Variants in ERBB4 observed in about 807,000 individuals in gnomAD.
ERBB4 encodes the protein receptor tyrosine-protein kinase erbB-4.
Under a neutral mutation model 158.0 loss-of-function variants are expected in ERBB4, and 42 were observed. The ratio of observed to expected loss-of-function variants is 0.27; its 90% CI spans 0.21 to 0.34. The LOEUF (loss-of-function observed/expected upper bound fraction) is 0.34. Ranked by LOEUF, ERBB4 falls within the 10% of genes least tolerant of loss-of-function variation. The probability of loss-of-function intolerance (pLI) is 1.00; values close to 1 mark genes in which losing one functional copy is unlikely to be tolerated. For synonymous variants in ERBB4, 583 were observed against 558.7 expected (o/e 1.04, Z -0.61); for missense variants, 1,333 against 1,624.1 (o/e 0.82, Z 3.08).
chr2:211,821,805 T>C (rs13019951), intron 3 of ERBB4, among the ~76,000 whole-genome samples: 16,782 of 151,974 alleles, frequency 0.11, 1,239 homozygotes, highest in Non-Finnish European at 0.15. Context: ...GAAATCTAAA[T>C]GCAGAAAATT....
At chr2:211,694,206 A>G (rs969994800) in intron 12 of ERBB4, among the ~76,000 whole-genome samples, 2 of 152,190 alleles carry the variant, frequency 1.3e-5, no homozygotes, top group African/African-American at 4.8e-5. Flanking sequence ...TACAACTCAC[A>G]ACACTGTCTA....
At chr2:211,754,769 C>G (rs1053206240) in intron 4 of ERBB4, among the ~76,000 whole-genome samples, 1 of 150,058 alleles carries the variant, frequency 6.7e-6, no homozygotes, top group Admixed American at 6.7e-5. Context: ...GGCACAATTT[C>G]GGCTCACTGC....
intron 2 of ERBB4, among the ~76,000 whole-genome samples, chr2:212,024,947 A>C (rs557708641): frequency 1.3e-5 from 2 of 151,852 alleles, no homozygotes; most frequent in Non-Finnish European, 2.9e-5. Flanking sequence ...GCAAATTACC[A>C]AGATTCCCTG....
intron 20 of ERBB4, among the ~76,000 whole-genome samples, chr2:211,481,055 C>G (rs890518065): frequency 6.6e-6 from 1 of 152,074 alleles, no homozygotes; most frequent in Admixed American, 6.6e-5. Flanking sequence ...CTTGGTTCAC[C>G]AATTACACAC....
chr2:211,750,738 C>T (rs1172213358), intron 4 of ERBB4, 34 bp from the exon 5 acceptor site: 12 of 1,580,034 alleles, frequency 7.6e-6, no homozygotes, highest in Admixed American at 3.3e-5. Flanking sequence ...AGGACATGCA[C>T]GTTATAATCT....
intron 1 of ERBB4, among the ~76,000 whole-genome samples, chr2:212,537,331 C>T (rs980122292): frequency 2.6e-5 from 4 of 152,098 alleles, no homozygotes; most frequent in Non-Finnish European, 4.4e-5. Context: ...AAAAGGCACC[C>T]CTTGGCCACG....
At chr2:211,579,950 A>T (rs1413698919) in intron 19 of ERBB4, among the ~76,000 whole-genome samples, 1 of 152,172 alleles carries the variant, frequency 6.6e-6, no homozygotes, top group East Asian at 1.9e-4. Flanking sequence ...GTAGCCCAGA[A>T]CTTAAAATAA....
chr2:211,968,994 GT>G (rs1298469364), intron 2 of ERBB4, among the ~76,000 whole-genome samples: 1 of 151,940 alleles, frequency 6.6e-6, no homozygotes, highest in Non-Finnish European at 1.5e-5. Flanking sequence ...TTAAGATTAA[GT>G]TTTACTTTTT....
At chr2:212,369,884 G>A (rs142910596) in intron 1 of ERBB4, among the ~76,000 whole-genome samples, 165 of 152,152 alleles carry the variant, frequency 1.1e-3, no homozygotes, top group African/African-American at 3.8e-3. Flanking sequence ...TTTAAAGCAA[G>A]TTATCTCTTT....
At chr2:211,487,166 G>A (rs1458953195) in intron 20 of ERBB4, among the ~76,000 whole-genome samples, 1 of 119,994 alleles carries the variant, frequency 8.3e-6, no homozygotes, top group Non-Finnish European at 1.6e-5. Context: ...CCCACAACAG[G>A]CCCACGTGTG....
Position 212,463,703 on chromosome 2 carries a change from C to G in ERBB4, c.82+74746G>C, listed in dbSNP as rs570156106. ...GTTACAATGCCCCAATACTGACAAT[C>G]TGAGAGGCACAAACTAATTATTTTG... On this transcript the variant is annotated intron_variant, in intron 1 of 27. Coordinates refer to ENST00000342788, the MANE Select transcript of ERBB4 (RefSeq NM_005235.3). 2.5e-4 allele frequency among the ~76,000 whole-genome samples: 38 copies of G among 152,192 alleles called. 1 individual carries two copies. The South Asian group carries it at 7.3e-3, about 29-fold the overall frequency.
chr2:212,376,932 T>C (rs1188086692), intron 1 of ERBB4, among the ~76,000 whole-genome samples: 1 of 152,026 alleles, frequency 6.6e-6, no homozygotes. Context: ...TTATTTCATC[T>C]GTCTTTATTT....
intron 3 of ERBB4, among the ~76,000 whole-genome samples, chr2:211,926,996 A>C (rs977531551): frequency 1.3e-5 from 2 of 152,188 alleles, no homozygotes; most frequent in African/African-American, 4.8e-5. Context: ...TGGAAGTATT[A>C]CTCTAGTGAG....
At chr2:212,215,468 T>C (rs558418124) in intron 1 of ERBB4, among the ~76,000 whole-genome samples, 3 of 151,572 alleles carry the variant, frequency 2.0e-5, no homozygotes, top group East Asian at 1.9e-4. Flanking sequence ...GAATGCATTG[T>C]ATAAAATGAG....
At chr2:211,915,435 T>TTA (rs1289522405) in intron 3 of ERBB4, among the ~76,000 whole-genome samples, 14 of 135,446 alleles carry the variant, frequency 1.0e-4, no homozygotes, top group African/African-American at 3.6e-4. Context: ...AGTTCAAACA[T>TTA]TACATATATA....
At chr2:212,079,561 T>C (rs2078374002) in intron 2 of ERBB4, among the ~76,000 whole-genome samples, 1 of 149,320 alleles carries the variant, frequency 6.7e-6, no homozygotes, top group African/African-American at 2.6e-5. Context: ...TAACTTAATA[T>C]AAGGGTTATT....
intron 19 of ERBB4, among the ~76,000 whole-genome samples, chr2:211,610,072 T>C (rs1209018296): frequency 6.6e-6 from 1 of 152,044 alleles, no homozygotes; most frequent in Non-Finnish European, 1.5e-5. Context: ...ATCATTGTAA[T>C]AAGTAATTAC....
At chr2:212,337,638 T>C (rs1449083768) in intron 1 of ERBB4, among the ~76,000 whole-genome samples, 1 of 152,116 alleles carries the variant, frequency 6.6e-6, no homozygotes, top group African/African-American at 2.4e-5. Flanking sequence ...AGTCTGAGAA[T>C]GTGCATTTTG....
intron 1 of ERBB4, among the ~76,000 whole-genome samples, chr2:212,298,160 C>G (rs2086484941): frequency 6.6e-6 from 1 of 151,614 alleles, no homozygotes; most frequent in South Asian, 2.1e-4. Context: ...AACAATTGGA[C>G]TGCTCTAGGT....
Sources: allele counts gnomAD v4.1 joint callset (sites outside exome capture counted in the v4.1 genomes callset), GRCh38; gene constraint gnomAD v4.1.1; transcripts MANE v1.5; gene names NCBI Gene and HGNC (gene_info 2026-07-23, HGNC 2026-07-21).